TIMM9: variants seen among roughly 807,000 people sequenced by gnomAD.
The protein encoded by TIMM9 is translocase of inner mitochondrial membrane 9.
TIMM9 carries 10 observed loss-of-function variants against 13.4 expected under a neutral mutation model. The observed-to-expected ratio is 0.75, with a 90% CI of 0.46 to 1.26. The LOEUF (loss-of-function observed/expected upper bound fraction) is 1.26, where lower values mean the gene tolerates loss of function less well. Among genes scored for constraint, TIMM9 ranks in the 50% most tolerant of loss-of-function variants. The pLI, the probability that TIMM9 is intolerant of heterozygous loss-of-function variation, is 0.00. For missense variants in TIMM9, 87 were observed against 100.8 expected (o/e 0.86, Z 0.58); for synonymous variants, 32 against 32.1 (o/e 1.00, Z 0.01).
intron 3 of TIMM9, among the ~76,000 whole-genome samples, chr14:58,413,342 A>T (rs1407021958): frequency 6.6e-6 from 1 of 152,230 alleles, no homozygotes; most frequent in Non-Finnish European, 1.5e-5. Context: ...CAATGTAAAT[A>T]CAAAGGTTCT....
At chr14:58,414,008 GA>G (rs10656955) in intron 3 of TIMM9, among the ~76,000 whole-genome samples, 203 of 24,078 alleles carry the variant, frequency 8.4e-3, no homozygotes, top group African/African-American at 0.039. Context: ...TTCCGTCTCA[GA>G]AAAAAAAAAA....
chr14:58,427,477 T>G lies in TIMM9; in HGVS notation c.-389A>C. On this transcript the variant is annotated 5_prime_UTR_variant, in exon 1 of 6. Transcript: ENST00000395159. The stretch of plus-strand genomic sequence containing the variant: ...ACAAGTAGTATTACAAGTCGGGAGC[T>G]CTTCAAGTCTTGGATGAGACTGTAG... 1.0e-6 allele frequency: 1 copy of G among 960,052 alleles called. No homozygotes were observed. Among genetic ancestry groups the G allele is most frequent in the Non-Finnish European group, 1.5e-6 (1 of 646,848 alleles). The allele number at this position is 960,052 out of a possible 1,614,324, so 59.5% of individuals were successfully genotyped here.
At chr14:58,424,974 A>C (rs2036690719) in intron 2 of TIMM9, among the ~76,000 whole-genome samples, 1 of 152,226 alleles carries the variant, frequency 6.6e-6, no homozygotes. Flanking sequence ...CCTATGTGGT[A>C]TTCTGGCCAA....
In TIMM9 at chr14:58,409,003, T is replaced by G. The variant is rs976915897; in HGVS notation, c.*31A>C. 3 of 1,592,574 alleles carry G rather than the reference T, an allele frequency of 1.9e-6. No individual in the cohort carries two copies. The highest frequency in any genetic ancestry group is 1.9e-5 in the Admixed American group (1 of 53,314). On this transcript the variant is annotated 3_prime_UTR_variant, in exon 6 of 6. Coordinates refer to ENST00000395159, the MANE Select transcript of TIMM9 (RefSeq NM_012460.4). ...TCCAATAAAGCAGCTGTTGGCAATCTTTCATCAAAAGTTCATCCATCAGGA... is the reference window on the plus strand; with the variant it reads ...TCCAATAAAGCAGCTGTTGGCAATCGTTCATCAAAAGTTCATCCATCAGGA...
chr14:58,416,937 G>C (rs1014210140), intron 3 of TIMM9, among the ~76,000 whole-genome samples: 1 of 152,168 alleles, frequency 6.6e-6, no homozygotes, highest in African/African-American at 2.4e-5. Context: ...GTTTGGCTAT[G>C]TCCCCACCCA....
Position 58,408,833 on chromosome 14 carries a change from T to G in TIMM9, c.*201A>C. The G allele has an allele frequency of 1.3e-6, 1 of 768,210 alleles. No individual in the cohort carries two copies. Among genetic ancestry groups the G allele is most frequent in the Non-Finnish European group, 2.0e-6 (1 of 498,786 alleles). 47.6% of individuals were successfully genotyped at this position (768,210 alleles called of 1,614,324 possible). ...CAAATGTTGCATCTTATTATTTCAC[T>G]GAACAATAAGACCTTCTATTGTGAT... On this transcript the variant is annotated 3_prime_UTR_variant, in exon 6 of 6. Coordinates refer to ENST00000395159, the MANE Select transcript of TIMM9 (RefSeq NM_012460.4).
chr14:58,423,785 C>A (rs2036659950), intron 3 of TIMM9: 1 of 152,118 alleles, frequency 6.6e-6, no homozygotes, highest in Non-Finnish European at 1.5e-5. Context: ...CCATATATTA[C>A]AGCAAATTTA....
intron 4 of TIMM9, among the ~76,000 whole-genome samples, chr14:58,411,584 G>C (rs566405736): frequency 6.6e-6 from 1 of 151,840 alleles, no homozygotes; most frequent in Non-Finnish European, 1.5e-5. Context: ...CTGTCACCCA[G>C]GCTGGAGTGC....
intron 3 of TIMM9, among the ~76,000 whole-genome samples, chr14:58,417,376 TGTCCTATACCCCCAGC>T: frequency 6.6e-6 from 1 of 151,306 alleles, no homozygotes; most frequent in Admixed American, 6.6e-5. Flanking sequence ...CATGGTGGCA[TGTCCTATACCCCCAGC>T]TACTTGGAGG....
Position 58,427,403 on chromosome 14 carries a change from T to TC in TIMM9, c.-316dup, listed in dbSNP as rs2036905703. 1 of 542,174 alleles carries TC rather than the reference T, an allele frequency of 1.8e-6. No individual in the cohort carries two copies. Among genetic ancestry groups the TC allele is most frequent in the Non-Finnish European group, 3.3e-6 (1 of 306,196 alleles). 33.6% of individuals were successfully genotyped at this position (542,174 alleles called of 1,614,324 possible). A position where few individuals can be genotyped will look rare whatever the true frequency, so the allele number is the denominator to read the frequency against. On this transcript the variant is annotated 5_prime_UTR_variant, in exon 1 of 6. Transcript: ENST00000395159. The stretch of plus-strand genomic sequence containing the variant: ...GAAGCCTAATTTACCTAATCCCACG[T>TC]CCCTAACGGTCTTCGGAAGCGAAGC...
chr14:58,417,188 G>C (rs1187218969), intron 3 of TIMM9, among the ~76,000 whole-genome samples: 1 of 152,060 alleles, frequency 6.6e-6, no homozygotes, highest in African/African-American at 2.4e-5. Flanking sequence ...CAGCCATGTG[G>C]AACTGTAAGT....
Position 58,419,850 on chromosome 14 carries a change from G to A in TIMM9, c.-27+4158C>T, listed in dbSNP as rs570606120. On this transcript the variant is annotated intron_variant, in intron 3 of 5. Coordinates refer to ENST00000395159, the MANE Select transcript of TIMM9 (RefSeq NM_012460.4). ...AAGGATGGATTGCGCCCAGGAGGCA[G>A]AGGCTGCAGTGAGCCAAGATTGTGC... 3.3e-5 allele frequency among the ~76,000 whole-genome samples: 5 copies of A among 152,320 alleles called. No homozygotes were observed. The South Asian group carries it at 8.3e-4, about 25-fold the overall frequency.
chr14:58,412,867 C>G (rs1436632559), intron 3 of TIMM9, among the ~76,000 whole-genome samples: 2 of 151,952 alleles, frequency 1.3e-5, no homozygotes, highest in African/African-American at 4.8e-5. Flanking sequence ...CACCACTGCA[C>G]TCCAGCCTGG....
In TIMM9 at chr14:58,427,223, T is replaced by A. The variant is rs548309601; in HGVS notation, c.-284A>T. ...GACACTTAAACCCTTAGACGCCGAT[T>A]CGTTATAACGCGAGGAAATCTAGAA... On this transcript the variant is annotated 5_prime_UTR_variant, in exon 2 of 6. Transcript: ENST00000395159. The A allele has an allele frequency of 2.9e-5, 6 of 208,282 alleles. No individual in the cohort carries two copies. In the South Asian group the frequency reaches 3.6e-4, roughly 12 times the overall value. The allele number at this position is 208,282 out of a possible 1,614,324, so 12.9% of individuals were successfully genotyped here. A position where few individuals can be genotyped will look rare whatever the true frequency, so the allele number is the denominator to read the frequency against.
At chr14:58,425,792 T>C (rs1055314534) in intron 2 of TIMM9, among the ~76,000 whole-genome samples, 3 of 152,126 alleles carry the variant, frequency 2.0e-5, no homozygotes, top group Non-Finnish European at 4.4e-5. Flanking sequence ...GTACCACCTA[T>C]GAGCCCAATT....
At position 58,408,785 on chromosome 14, in the gene TIMM9, G is replaced by A. The variant is rs2140308756; in HGVS notation, c.*249C>T. 1 of 681,804 alleles carries A rather than the reference G, an allele frequency of 1.5e-6. No individual in the cohort carries two copies. Among genetic ancestry groups the A allele is most frequent in the East Asian group, 3.0e-5 (1 of 33,454 alleles). The allele number at this position is 681,804 out of a possible 1,614,324, so 42.2% of individuals were successfully genotyped here. ...TTTATTTTTCTAATCAAGTGACCAAGCTGCTGAATCATAAGGCCTCAACAA... is the reference window on the plus strand; with the variant it reads ...TTTATTTTTCTAATCAAGTGACCAAACTGCTGAATCATAAGGCCTCAACAA... On this transcript the variant is annotated 3_prime_UTR_variant, in exon 6 of 6. Coordinates refer to ENST00000395159, the MANE Select transcript of TIMM9 (RefSeq NM_012460.4).
At chr14:58,425,930 A>G (rs542983054) in intron 2 of TIMM9, among the ~76,000 whole-genome samples, 2 of 152,120 alleles carry the variant, frequency 1.3e-5, no homozygotes, top group African/African-American at 4.8e-5. Flanking sequence ...CCTGGCCAAC[A>G]TGGTGAAACC....
Position 58,409,166 on chromosome 14 carries a change from G to C in TIMM9, c.138C>G (p.Thr46=). The change falls in exon 6 of 6, where the codon ACC becomes ACG. Residue 46 remains threonine, a splice_region_variant and synonymous_variant. Transcript: ENST00000395159. ...FTTREVKPEE[T]TCSEHCLQKY... is the part of the protein sequence containing the mutation. Reference sequence around the variant, plus strand: ...TCTGTAAGCAATGTTCTGAACAGGTGGTCTAGGAATGAAAAGGGAAGATCC... The same window carrying C: ...TCTGTAAGCAATGTTCTGAACAGGTCGTCTAGGAATGAAAAGGGAAGATCC... 2 of 1,610,282 alleles carry C rather than the reference G, an allele frequency of 1.2e-6. No homozygotes were observed. The highest frequency in any genetic ancestry group is 1.7e-6 in the Non-Finnish European group (2 of 1,178,818).
At chr14:58,416,094 G>A (rs2036400025) in intron 3 of TIMM9, among the ~76,000 whole-genome samples, 1 of 151,776 alleles carries the variant, frequency 6.6e-6, no homozygotes, top group African/African-American at 2.4e-5. Flanking sequence ...TGGCCGTGGT[G>A]GCACACACCT....
Sources: allele counts gnomAD v4.1 joint callset (sites outside exome capture counted in the v4.1 genomes callset), GRCh38; gene constraint gnomAD v4.1.1; transcripts MANE v1.5; gene names NCBI Gene and HGNC (gene_info 2026-07-23, HGNC 2026-07-21).